The following THSD7B variants were observed in gnomAD, a reference collection of about 807,000 sequenced individuals.
THSD7B encodes thrombospondin type-1 domain-containing protein 7B.
In THSD7B, 138 loss-of-function variants were observed where a neutral mutation model predicts 213.6. The ratio of observed to expected loss-of-function variants is 0.65; its 90% CI spans 0.56 to 0.74. THSD7B has a LOEUF of 0.74. Among genes scored for constraint, THSD7B ranks in the 30% least tolerant of loss-of-function variants. THSD7B has a pLI of 0.00. For missense variants in THSD7B, 1,931 were observed against 1,991.5 expected (o/e 0.97, Z 0.58); for synonymous variants, 742 against 687.0 (o/e 1.08, Z -1.25).
intron 2 of THSD7B, among the ~76,000 whole-genome samples, chr2:136,990,495 C>T (rs1434660879): frequency 6.6e-6 from 1 of 152,044 alleles, no homozygotes; most frequent in Non-Finnish European, 1.5e-5. Context: ...GGGGACCATG[C>T]CAGGCAGGGA....
intron 7 of THSD7B, among the ~76,000 whole-genome samples, chr2:137,194,287 G>A (rs1234634853): frequency 1.3e-5 from 2 of 152,146 alleles, no homozygotes; most frequent in African/African-American, 4.8e-5. Context: ...AAAAGAAAGG[G>A]CAGGAGAACT....
intron 15 of THSD7B, among the ~76,000 whole-genome samples, chr2:137,458,748 G>T (rs1687820475): frequency 6.6e-6 from 1 of 152,046 alleles, no homozygotes; most frequent in African/African-American, 2.4e-5. Flanking sequence ...GTCCCTTTGG[G>T]CTTCATCTTC....
intron 10 of THSD7B, among the ~76,000 whole-genome samples, chr2:137,271,445 T>TATATA (rs139584857): frequency 7.6e-6 from 1 of 131,384 alleles, no homozygotes; most frequent in African/African-American, 3.0e-5. Flanking sequence ...TATAATATAA[T>TATATA]ATATAATATA....
chr2:137,508,443 C>G (rs1037715870), intron 15 of THSD7B, among the ~76,000 whole-genome samples: 2 of 142,626 alleles, frequency 1.4e-5, no homozygotes, highest in African/African-American at 5.3e-5. Flanking sequence ...GTGGCGGGAT[C>G]TCTGCTCACT....
chr2:137,163,462 G>A (rs1247138722), intron 6 of THSD7B, among the ~76,000 whole-genome samples: 1 of 152,182 alleles, frequency 6.6e-6, no homozygotes, highest in Non-Finnish European at 1.5e-5. Flanking sequence ...GCCATGTGAG[G>A]ACATTGAGAC....
Position 136,794,859 on chromosome 2 carries a change from AG to A in THSD7B, c.-36+29174del, listed in dbSNP as rs1237913179. Among the ~76,000 whole-genome samples the A allele has an allele frequency of 2.0e-5, 3 of 152,072 alleles. No individual in the cohort carries two copies. In the East Asian group the frequency reaches 5.8e-4, roughly 30 times the overall value. The stretch of plus-strand genomic sequence containing the variant: ...TTTTCCCTCAGATTAAAAAAGAATT[AG>A]GATATCCATGTCTTTCAGTTAAATT... On this transcript the variant is annotated intron_variant, in intron 1 of 27. Transcript: ENST00000409968.
intron 7 of THSD7B, among the ~76,000 whole-genome samples, chr2:137,182,113 A>T (rs954222791): frequency 6.6e-6 from 1 of 152,076 alleles, no homozygotes; most frequent in East Asian, 1.9e-4. Context: ...TTTGTTTGTA[A>T]GGCGTCCCAG....
At chr2:136,941,853 A>G (rs1243839162) in intron 2 of THSD7B, among the ~76,000 whole-genome samples, 2 of 152,160 alleles carry the variant, frequency 1.3e-5, no homozygotes, top group Non-Finnish European at 2.9e-5. Context: ...TAGGTTAATT[A>G]GATCCCATTT....
chr2:136,840,735 C>T (rs890958891), intron 1 of THSD7B, among the ~76,000 whole-genome samples: 3 of 152,032 alleles, frequency 2.0e-5, no homozygotes, highest in African/African-American at 4.8e-5. Context: ...AGTTATATTC[C>T]AGGGAACTTG....
At chr2:137,498,762 G>A (rs1679633100) in intron 15 of THSD7B, among the ~76,000 whole-genome samples, 1 of 152,000 alleles carries the variant, frequency 6.6e-6, no homozygotes, top group Non-Finnish European at 1.5e-5. Flanking sequence ...GGGGAGAGAG[G>A]TGTTATATTG....
chr2:137,321,710 A>G (rs1451676271), intron 12 of THSD7B, among the ~76,000 whole-genome samples: 3 of 152,220 alleles, frequency 2.0e-5, no homozygotes, highest in Non-Finnish European at 4.4e-5. Context: ...AAGACTCTCA[A>G]GGGCCTTCAA....
chr2:136,893,693 CT>C (rs1414160857), intron 2 of THSD7B, among the ~76,000 whole-genome samples: 1 of 152,134 alleles, frequency 6.6e-6, no homozygotes, highest in African/African-American at 2.4e-5. Flanking sequence ...CCACCTTCTT[CT>C]GTGTACCTTA....
At chr2:137,070,276 T>A (rs1000377280) in intron 3 of THSD7B, among the ~76,000 whole-genome samples, 1 of 151,932 alleles carries the variant, frequency 6.6e-6, no homozygotes, top group South Asian at 2.1e-4. Context: ...TTATTCAAGG[T>A]CTTTTTCATT....
At chr2:137,074,679 C>A (rs1191110036) in intron 3 of THSD7B, among the ~76,000 whole-genome samples, 2 of 152,118 alleles carry the variant, frequency 1.3e-5, no homozygotes, top group Non-Finnish European at 2.9e-5. Context: ...TCTTCCTAGC[C>A]TTGACGGTCT....
At chr2:137,283,712 C>T (rs1176218340) in intron 12 of THSD7B, among the ~76,000 whole-genome samples, 9 of 152,070 alleles carry the variant, frequency 5.9e-5, no homozygotes, top group South Asian at 2.1e-4. Flanking sequence ...TATTGATTTG[C>T]GTATGTTGAA....
At chr2:137,464,452 TG>T (rs1277594018) in intron 15 of THSD7B, among the ~76,000 whole-genome samples, 1 of 152,092 alleles carries the variant, frequency 6.6e-6, no homozygotes, top group Non-Finnish European at 1.5e-5. Flanking sequence ...TAGTGGCCAC[TG>T]AAGTTTAAGC....
At chr2:137,507,870 A>T (rs1679872576) in intron 15 of THSD7B, among the ~76,000 whole-genome samples, 3 of 152,178 alleles carry the variant, frequency 2.0e-5, no homozygotes, top group Admixed American at 6.5e-5. Context: ...GGGCTAAAAT[A>T]ATTACCCCAG....
At chr2:136,912,106 A>G (rs912180315) in intron 2 of THSD7B, among the ~76,000 whole-genome samples, 2 of 151,978 alleles carry the variant, frequency 1.3e-5, no homozygotes, top group South Asian at 2.1e-4. Context: ...TAAGGTCAAG[A>G]GTTCTAGACC....
Position 137,656,906 on chromosome 2 carries a change from A to C in THSD7B, c.4216A>C (p.Ile1406Leu). 6.2e-7 allele frequency: 1 copy of C among 1,614,028 alleles called. No homozygotes were observed. Among genetic ancestry groups the C allele is most frequent in the South Asian group, 1.1e-5 (1 of 91,076 alleles). Reference protein sequence around the residue: ...GRQSRSRTFIIQSFENQDSCP... With the variant: ...GRQSRSRTFILQSFENQDSCP... Reference sequence around the variant, plus strand: ...CCAGTCTAGATCAAGGACTTTTATAATTCAGTCTTTTGAGAACCAAGACAG... The same window carrying C: ...CCAGTCTAGATCAAGGACTTTTATACTTCAGTCTTTTGAGAACCAAGACAG... Residue 1406 changes from isoleucine (I) to leucine (L), a missense_variant, in exon 23 of 28, where the codon ATT becomes CTT. Transcript: ENST00000409968.
Sources: gnomAD v4.1 joint callset for allele counts (sites outside exome capture counted in the v4.1 genomes callset) on GRCh38, gnomAD v4.1.1 for gene constraint, MANE v1.5 for transcripts, NCBI Gene and HGNC (gene_info 2026-07-23, HGNC 2026-07-21) for gene names.